Variants in WBP2NL observed in about 807,000 individuals in gnomAD.
WBP2NL encodes WBP2 N-terminal like.
WBP2NL carries 27 observed loss-of-function variants against 23.3 expected under a neutral mutation model. The ratio of observed to expected loss-of-function variants is 1.16; its 90% CI spans 0.85 to 1.60. The LOEUF (loss-of-function observed/expected upper bound fraction) is 1.60. Ranked by LOEUF, WBP2NL falls within the 40% of genes most tolerant of loss-of-function variation. WBP2NL has a pLI of 0.00. For missense variants in WBP2NL, 370 were observed against 389.5 expected, an observed-to-expected ratio of 0.95 and a Z score of 0.42; for synonymous variants, 151 against 145.9, an observed-to-expected ratio of 1.03 and a Z score of -0.25.
intron 4 of WBP2NL, among the ~76,000 whole-genome samples, chr22:42,021,528 C>G (rs1374232762): frequency 6.6e-6 from 1 of 152,146 alleles, no homozygotes; most frequent in African/African-American, 2.4e-5. Flanking sequence ...CCTCTAAATG[C>G]CATCACAAGT....
downstream of WBP2NL, among the ~76,000 whole-genome samples, chr22:42,029,085 CAA>C (rs1234187235): frequency 6.6e-6 from 1 of 152,162 alleles, no homozygotes; most frequent in Admixed American, 6.5e-5. Flanking sequence ...GCAAGGCAGG[CAA>C]AGTTCTTAAT....
chr22:42,001,724 G>A (rs1268910731), intron 1 of WBP2NL: 1 of 1,211,996 alleles, frequency 8.3e-7, no homozygotes, highest in Non-Finnish European at 1.2e-6. Context: ...CTGGGTGGGG[G>A]AAGTATCTGA....
At chr22:42,001,961 T>G in intron 1 of WBP2NL, 4 of 1,328,800 alleles carry the variant, frequency 3.0e-6, no homozygotes, top group Non-Finnish European at 4.0e-6. Context: ...CAGCAGCCTC[T>G]GTGATGTCGA....
intron 5 of WBP2NL, among the ~76,000 whole-genome samples, chr22:42,023,582 C>T (rs1454148951): frequency 1.3e-5 from 2 of 152,052 alleles, no homozygotes; most frequent in Non-Finnish European, 2.9e-5. Flanking sequence ...AGCTCCACCT[C>T]CCGGGTTCAC....
At chr22:42,056,007 CTA>C (rs140043752) in intron 8 of WBP2NL, among the ~76,000 whole-genome samples, 10,929 of 152,098 alleles carry the variant, frequency 0.072, 1,327 homozygotes, top group African/African-American at 0.25. Flanking sequence ...TTCTGTCGAT[CTA>C]TGTTTAATCC....
At chr22:41,999,007 G>A (rs1602430198) in intron 1 of WBP2NL, 127 bp downstream of exon 1, 23 of 1,129,136 alleles carry the variant, frequency 2.0e-5, no homozygotes, top group Non-Finnish European at 2.6e-5. Flanking sequence ...TCTTAGCTCC[G>A]CCCCCGACCT....
intron 5 of WBP2NL, among the ~76,000 whole-genome samples, chr22:42,026,051 C>T (rs1467667542): frequency 6.6e-6 from 1 of 152,032 alleles, no homozygotes; most frequent in Non-Finnish European, 1.5e-5. Context: ...GCGGGTGGAT[C>T]ATGAGGTCAG....
chr22:42,049,686 TCTC>T, intron 8 of WBP2NL, among the ~76,000 whole-genome samples: 1 of 90,400 alleles, frequency 1.1e-5, no homozygotes, highest in African/African-American at 5.7e-5. Context: ...CGAGACTCCG[TCTC>T]CAAAACAAAA....
chr22:42,007,521 T>C (rs900366722), intron 1 of WBP2NL, among the ~76,000 whole-genome samples: 2 of 152,190 alleles, frequency 1.3e-5, no homozygotes. Flanking sequence ...TCACCATACT[T>C]TTCCCAACAA....
At chr22:42,001,388 C>A in intron 1 of WBP2NL, 1 of 717,728 alleles carries the variant, frequency 1.4e-6, no homozygotes. Context: ...TCATAGTTAC[C>A]GAAGTAGGCA....
chr22:42,044,804 A>C (rs186222954), intron 8 of WBP2NL, among the ~76,000 whole-genome samples: 272 of 152,160 alleles, frequency 1.8e-3, no homozygotes, highest in African/African-American at 6.4e-3. Context: ...GTGTTTCAAA[A>C]AATAAATTTT....
downstream of WBP2NL, among the ~76,000 whole-genome samples, chr22:42,037,346 C>G (rs1925222244): frequency 6.6e-6 from 1 of 152,082 alleles, no homozygotes; most frequent in Non-Finnish European, 1.5e-5. Context: ...TTGGTGATAG[C>G]TTTGTAAGAT....
At chr22:42,014,989 T>C (rs9611712) in intron 1 of WBP2NL, among the ~76,000 whole-genome samples, 44,359 of 152,170 alleles carry the variant, frequency 0.29, 6,957 homozygotes, top group Admixed American at 0.37. Context: ...TTTTTATTAA[T>C]TTATTTTGTT....
At chr22:42,043,719 T>G (rs1925482184) in intron 8 of WBP2NL, among the ~76,000 whole-genome samples, 1 of 143,228 alleles carries the variant, frequency 7.0e-6, no homozygotes, top group Admixed American at 7.5e-5. Context: ...TAGCCAAAAC[T>G]ACTGGAGCTA....
chr22:42,000,026 C>T (rs192191269), intron 1 of WBP2NL, among the ~76,000 whole-genome samples: 11 of 152,284 alleles, frequency 7.2e-5, no homozygotes, highest in Admixed American at 5.2e-4. Flanking sequence ...AACTCAGTCT[C>T]CCCCGCTGTG....
chr22:41,998,793 C>T lies in WBP2NL; in HGVS notation c.-26C>T, dbSNP rs1216862868. 1.9e-6 allele frequency: 3 copies of T among 1,603,080 alleles called. No individual in the cohort carries two copies. The highest frequency in any genetic ancestry group is 1.7e-6 in the Non-Finnish European group (2 of 1,173,926). ...CGCAGGTCCCGCCCCTTTCCATCTA[C>T]GGGGCGGCAGGAGGCCCGAAGCAAG... On this transcript the variant is annotated 5_prime_UTR_variant, in exon 1 of 6. The change creates a new upstream start codon in the 5' untranslated region. Coordinates refer to ENST00000328823, the MANE Select transcript of WBP2NL (RefSeq NM_152613.3).
At chr22:42,038,024 T>C (rs1384997827) in intron 8 of WBP2NL, among the ~76,000 whole-genome samples, 1 of 152,218 alleles carries the variant, frequency 6.6e-6, no homozygotes, top group African/African-American at 2.4e-5. Flanking sequence ...TTAACAGTGA[T>C]AAGAGTGAGC....
chr22:42,013,098 C>T (rs1420751816), intron 1 of WBP2NL, among the ~76,000 whole-genome samples: 5 of 151,800 alleles, frequency 3.3e-5, no homozygotes, highest in Admixed American at 6.6e-5. Flanking sequence ...GCTGGCCGGG[C>T]GTGGTGGCTT....
At chr22:42,030,945 TCTG>T (rs1924903251), downstream of WBP2NL, 1 of 152,258 alleles carries the variant, frequency 6.6e-6, no homozygotes. Context: ...AGACTTCTCT[TCTG>T]CTCTTCATGT....
Sources: allele counts gnomAD v4.1 joint callset (sites outside exome capture counted in the v4.1 genomes callset), GRCh38; gene constraint gnomAD v4.1.1; transcripts MANE v1.5; gene names NCBI Gene and HGNC (gene_info 2026-07-23, HGNC 2026-07-21).